Variants in UBE3B observed in about 807,000 individuals in gnomAD.
UBE3B encodes ubiquitin protein ligase E3B.
A neutral mutation model predicts 132.3 loss-of-function variants in UBE3B; 80 were observed. The ratio of observed to expected loss-of-function variants is 0.60; its 90% CI spans 0.50 to 0.73. The LOEUF is 0.73. UBE3B is among the 30% of genes least tolerant of loss of function. The pLI is 0.00. For synonymous variants in UBE3B, 487 were observed against 520.4 expected, an observed-to-expected ratio of 0.94 and a Z score of 0.87; for missense variants, 1,196 against 1,362.5, an observed-to-expected ratio of 0.88 and a Z score of 1.92.
intron 14 of UBE3B, 72 bp downstream of exon 14, chr12:109,503,262 T>C (rs1879224049): frequency 6.4e-7 from 1 of 1,559,062 alleles, no homozygotes; most frequent in Admixed American, 2.0e-5. Context: ...AAAGTCGATG[T>C]TTTTTTCTGG....
At chr12:109,517,859 G>A (rs562169889) in intron 19 of UBE3B, 9 of 396,670 alleles carry the variant, frequency 2.3e-5, no homozygotes, top group African/African-American at 6.1e-5. Flanking sequence ...TCCTCCTCAC[G>A]TGTCTTCATT....
intron 24 of UBE3B, among the ~76,000 whole-genome samples, chr12:109,528,929 C>T (rs1194298673): frequency 2.0e-5 from 3 of 151,944 alleles, no homozygotes; most frequent in African/African-American, 4.8e-5. Flanking sequence ...GAGGCCGAGA[C>T]GGGCAGATCA....
chr12:109,531,357 G>A (rs1882920964), intron 26 of UBE3B, among the ~76,000 whole-genome samples: 1 of 152,172 alleles, frequency 6.6e-6, no homozygotes, highest in Non-Finnish European at 1.5e-5. Flanking sequence ...GACGCTGAAT[G>A]GCACACACGC....
intron 4 of UBE3B, among the ~76,000 whole-genome samples, chr12:109,485,468 G>A (rs963136369): frequency 6.6e-6 from 1 of 152,250 alleles, no homozygotes; most frequent in Non-Finnish European, 1.5e-5. Context: ...TGCAGCTCAG[G>A]GTGGTAGGGC....
chr12:109,540,213 G>GT (rs1193517089), downstream of UBE3B, among the ~76,000 whole-genome samples: 3 of 152,024 alleles, frequency 2.0e-5, no homozygotes, highest in Admixed American at 2.0e-4. Flanking sequence ...TTGTTTGTTT[G>GT]TTTTTTGAGA....
intron 26 of UBE3B, 138 bp from the exon 27 acceptor site, chr12:109,533,328 C>T (rs1458369674): frequency 3.0e-5 from 24 of 809,328 alleles, no homozygotes; most frequent in East Asian, 4.9e-5. Flanking sequence ...AGATCCACCC[C>T]GCCACTCCAT....
intron 14 of UBE3B, 39 bp downstream of exon 14, chr12:109,503,229 T>A: frequency 6.3e-7 from 1 of 1,596,586 alleles, no homozygotes; most frequent in African/African-American, 1.3e-5. Flanking sequence ...CCTCTCACAT[T>A]TGGCAGACAG....
chr12:109,518,997 T>G (rs550307304), intron 19 of UBE3B, among the ~76,000 whole-genome samples: 2 of 152,314 alleles, frequency 1.3e-5, no homozygotes, highest in African/African-American at 4.8e-5. Flanking sequence ...TGTTTCCTTT[T>G]TTATGGTTAG....
In UBE3B at chr12:109,534,666, CCCACCTCCT is replaced by C. The variant is rs763347451; in HGVS notation, c.3098_3106del (p.Ser1033_Thr1035del). Reference sequence around the variant, plus strand: ...CAAGCGGGAGCCAGGCGGCCGCCTGCCCACCTCCTCCACCTGCTTCAACCTGCTCAAGCT... The same window carrying C: ...CAAGCGGGAGCCAGGCGGCCGCCTGCCCACCTGCTTCAACCTGCTCAAGCT... On this transcript the variant is annotated inframe_deletion, in exon 28 of 28. Transcript: ENST00000342494. This position sits in a 1 kb window ranked among gnomAD's most constrained non-coding sequence, Gnocchi z 5.2. 2 of 1,611,534 alleles carry C rather than the reference CCCACCTCCT, an allele frequency of 1.2e-6. No individual in the cohort carries two copies. The highest frequency in any genetic ancestry group is 2.2e-5 in the South Asian group (2 of 90,728).
chr12:109,538,247 C>G (rs977038935), downstream of UBE3B, among the ~76,000 whole-genome samples: 2 of 152,220 alleles, frequency 1.3e-5, no homozygotes, highest in African/African-American at 4.8e-5. This position sits in a 1 kb window ranked among gnomAD's most constrained non-coding sequence, Gnocchi z 4.1. Context: ...GTCTGGACAG[C>G]TGGGTTCTCG....
the UBE3B span, among the ~76,000 whole-genome samples, chr12:109,547,450 C>T: frequency 4.6e-5 from 7 of 152,372 alleles, no homozygotes; most frequent in South Asian, 4.1e-4. The surrounding 1 kb of genome is among the most constrained non-coding windows in gnomAD (Gnocchi z 4.1). Context: ...TGTGCGCGTA[C>T]GCGCGCACAC....
chr12:109,483,700 A>G lies in UBE3B; in HGVS notation c.149A>G (p.Gln50Arg). 5 of 1,605,082 alleles carry G rather than the reference A, an allele frequency of 3.1e-6. No individual in the cohort carries two copies. The highest frequency in any genetic ancestry group is 4.3e-6 in the Non-Finnish European group (5 of 1,176,348). Residue 50 changes from glutamine to arginine, a missense_variant, in exon 3 of 28, where the codon CAG becomes CGG. Coordinates refer to ENST00000342494, the MANE Select transcript of UBE3B (RefSeq NM_130466.4). The part of the protein sequence containing the change: ...VRSFLCRSRL[Q>R]RDIRREIDDF... ...AGTTTTCTCTGTCGGAGTCGACTGC[A>G]GAGAGATATCAGGTAAGGGCTAGGA...
In UBE3B at chr12:109,522,289, TG is replaced by T. The variant is rs1265134828; in HGVS notation, c.2364+742del. ...TCTGGGTTTCCACTCTGTGGCCTGA[TG>T]GGGTCAGGGTGATGTGGCCCACACA... On this transcript the variant is annotated intron_variant, in intron 21 of 27. Coordinates refer to ENST00000342494, the MANE Select transcript of UBE3B (RefSeq NM_130466.4). This position sits in a 1 kb window ranked among gnomAD's most constrained non-coding sequence, Gnocchi z 4.2. Among the ~76,000 whole-genome samples the T allele has an allele frequency of 1.3e-5, 2 of 152,182 alleles. No homozygotes were observed. The highest frequency in any genetic ancestry group is 4.8e-5 in the African/African-American group (2 of 41,454).
At chr12:109,494,298 T>G (rs1268189662) in intron 9 of UBE3B, among the ~76,000 whole-genome samples, 1 of 152,244 alleles carries the variant, frequency 6.6e-6, no homozygotes, top group African/African-American at 2.4e-5. Flanking sequence ...GGACACATTT[T>G]TGTATTCTAA....
rs1883245570 is a variant in UBE3B at position 109,534,247 on chromosome 12, G to C, written c.3016-344G>C. On this transcript the variant is annotated intron_variant, in intron 27 of 27. Coordinates refer to ENST00000342494, the MANE Select transcript of UBE3B (RefSeq NM_130466.4). The surrounding 1 kb of genome is among the most constrained non-coding windows in gnomAD (Gnocchi z 5.2). ...CCACAGCACCGGTGAGGAGGGAGGA[G>C]TGCATTCAGAAATGTTTGGGCACCT... The C allele has an allele frequency of 7.9e-7, 1 of 1,272,908 alleles. No individual in the cohort carries two copies. The highest frequency in any genetic ancestry group is 3.4e-5 in the Admixed American group (1 of 29,746). The allele number at this position is 1,272,908 out of a possible 1,614,324, so 78.9% of individuals were successfully genotyped here. A position where few individuals can be genotyped will look rare whatever the true frequency, so the allele number is the denominator to read the frequency against.
chr12:109,542,108 C>A, the UBE3B span, among the ~76,000 whole-genome samples: 32 of 152,194 alleles, frequency 2.1e-4, no homozygotes, highest in African/African-American at 7.5e-4. Context: ...TGCCATGAAC[C>A]ACCACATGCT....
chr12:109,547,390 G>GCA, the UBE3B span, among the ~76,000 whole-genome samples: 1 of 152,266 alleles, frequency 6.6e-6, no homozygotes, highest in Non-Finnish European at 1.5e-5. This position sits in a 1 kb window ranked among gnomAD's most constrained non-coding sequence, Gnocchi z 4.1. Flanking sequence ...TGCCGGCCAT[G>GCA]CAGGCATCAT....
intron 14 of UBE3B, among the ~76,000 whole-genome samples, chr12:109,506,890 AG>A (rs1879760409): frequency 6.6e-6 from 1 of 152,220 alleles, no homozygotes; most frequent in Admixed American, 6.5e-5. Flanking sequence ...AATCAATCAC[AG>A]GTGGCCATCT....
chr12:109,526,277 G>T lies in UBE3B; in HGVS notation c.2569-81G>T, dbSNP rs1458173813. The T allele has an allele frequency of 3.0e-6, 4 of 1,352,832 alleles. No individual in the cohort carries two copies. The African/African-American group carries it at 4.3e-5, about 15-fold the overall frequency. 83.8% of individuals were successfully genotyped at this position (1,352,832 alleles called of 1,614,324 possible). A position where few individuals can be genotyped will look rare whatever the true frequency, so the allele number is the denominator to read the frequency against. On this transcript the variant is annotated intron_variant, in intron 23 of 27. Coordinates refer to ENST00000342494, the MANE Select transcript of UBE3B (RefSeq NM_130466.4). Reference sequence around the variant, plus strand: ...AATTCCATCATTATCATGGATGTTTGTGCTGGGCCCTCTCATCTCCGGGAA... The same window carrying T: ...AATTCCATCATTATCATGGATGTTTTTGCTGGGCCCTCTCATCTCCGGGAA...
Sources: gnomAD v4.1 joint callset for allele counts (sites outside exome capture counted in the v4.1 genomes callset) on GRCh38, gnomAD v4.1.1 for gene constraint, Gnocchi (gnomAD v3.1) non-coding constraint, MANE v1.5 for transcripts, NCBI Gene and HGNC (gene_info 2026-07-23, HGNC 2026-07-21) for gene names.